PDE4A: variants seen among roughly 807,000 people sequenced by gnomAD.
The protein encoded by PDE4A is 3',5'-cyclic-AMP phosphodiesterase 4A.
PDE4A carries 21 observed loss-of-function variants against 73.9 expected under a neutral mutation model. The ratio of observed to expected loss-of-function variants is 0.28; its 90% confidence interval spans 0.20 to 0.41. The LOEUF is 0.41. Ranked by LOEUF, PDE4A falls within the 10% of genes least tolerant of loss-of-function variation. The pLI is 1.00. For missense variants in PDE4A, 958 were observed against 1,211.4 expected (o/e 0.79, Z 3.10); for synonymous variants, 463 against 505.4 (o/e 0.92, Z 1.13).
At chr19:10,465,666 ATAGTTTG>A (rs142097079) in intron 14 of PDE4A, among the ~76,000 whole-genome samples, 7,836 of 140,374 alleles carry the variant, frequency 0.056, 282 homozygotes, top group Non-Finnish European at 0.079. Context: ...CTTCATAGCA[ATAGTTTG>A]TGGCTTTAGC....
intron 1 of PDE4A, among the ~76,000 whole-genome samples, chr19:10,437,145 T>C (rs2042875914): frequency 6.6e-6 from 1 of 152,158 alleles, no homozygotes; most frequent in African/African-American, 2.4e-5. Flanking sequence ...TTTTGTTTGT[T>C]TGTTTTTTGA....
chr19:10,450,980 C>G, intron 6 of PDE4A, 39 bp downstream of exon 6: 647 of 1,087,142 alleles, frequency 6.0e-4, no homozygotes, highest in Non-Finnish European at 8.0e-4. Flanking sequence ...GCGGGGCAGG[C>G]GGGGGCGGGG....
In PDE4A at chr19:10,458,176, G is replaced by T; in HGVS notation, c.1101+74G>T. 1.4e-6 allele frequency: 2 copies of T among 1,433,640 alleles called. No individual in the cohort carries two copies. The highest frequency in any genetic ancestry group is 1.9e-6 in the Non-Finnish European group (2 of 1,029,476). The allele number at this position is 1,433,640 out of a possible 1,614,324, so 88.8% of individuals were successfully genotyped here. On this transcript the variant is annotated intron_variant, in intron 8 of 14. Transcript: ENST00000380702. This position sits in a 1 kb window ranked among gnomAD's most constrained non-coding sequence, Gnocchi z 4.6. ...GACCCTGAGAAGGACTGGGCATTGG[G>T]TTATGTCTTAGGCCAGGTTTCCCAG... is the stretch of plus-strand genomic sequence containing the variant.
intron 7 of PDE4A, among the ~76,000 whole-genome samples, chr19:10,456,525 C>CAA (rs1170935035): frequency 6.9e-6 from 1 of 145,006 alleles, no homozygotes; most frequent in Non-Finnish European, 1.5e-5. Flanking sequence ...GACTCCATCT[C>CAA]AAAAAAAAAA....
At chr19:10,423,162 T>TC in intron 1 of PDE4A, 1 of 913,896 alleles carries the variant, frequency 1.1e-6, no homozygotes. Context: ...TTTCTCTTTT[T>TC]TTTTTTTTTT....
At chr19:10,434,352 ATGCCACCAT>A in intron 1 of PDE4A, among the ~76,000 whole-genome samples, 1 of 150,852 alleles carries the variant, frequency 6.6e-6, no homozygotes, top group Admixed American at 6.6e-5. Flanking sequence ...TTACAGGTGT[ATGCCACCAT>A]AGCCCAGCTA....
intron 1 of PDE4A, among the ~76,000 whole-genome samples, chr19:10,426,384 C>T (rs2042718546): frequency 6.6e-6 from 1 of 152,004 alleles, no homozygotes; most frequent in Admixed American, 6.6e-5. Context: ...AATTCGTAAA[C>T]TTTCTTAAAA....
rs1365517311 is a variant in PDE4A at position 10,467,533 on chromosome 19, C to T, written c.2573C>T (p.Ala858Val). 1.9e-6 allele frequency: 3 copies of T among 1,612,362 alleles called. No individual in the cohort carries two copies. Among genetic ancestry groups the T allele is most frequent in the South Asian group, 1.1e-5 (1 of 91,044 alleles). Residue 858 changes from alanine (A) to valine (V), a missense_variant, in exon 15 of 15, where the codon GCT becomes GTT. By Grantham distance (64) the Ala-to-Val change is moderately conservative. Around this residue, in one of 3 missense-constraint regions of PDE4A, gnomAD observed 243 missense variants for 245.9 expected, o/e 0.99. Coordinates refer to ENST00000380702, the MANE Select transcript of PDE4A (RefSeq NM_001111307.2). ...AQREHQAAKRACSACAGTFGE... is the reference protein window; with the variant it reads ...AQREHQAAKRVCSACAGTFGE... ...CGAGAGCACCAGGCTGCCAAGAGGG[C>T]TTGCAGTGCCTGCGCAGGGACATTT...
intron 1 of PDE4A, among the ~76,000 whole-genome samples, chr19:10,443,017 A>C (rs2042959066): frequency 6.6e-6 from 1 of 151,994 alleles, no homozygotes; most frequent in Non-Finnish European, 1.5e-5. Flanking sequence ...TATTACTACA[A>C]AAAATTCAAA....
At chr19:10,429,327 A>G (rs1239189151) in intron 1 of PDE4A, among the ~76,000 whole-genome samples, 1 of 151,808 alleles carries the variant, frequency 6.6e-6, no homozygotes, top group Non-Finnish European at 1.5e-5. Context: ...AAGAAAAGAA[A>G]ATAGAGATTC....
chr19:10,461,638 C>G lies in PDE4A; in HGVS notation c.1578C>G (p.Ser526Arg), dbSNP rs1457000307. 3 of 1,566,718 alleles carry G rather than the reference C, an allele frequency of 1.9e-6. No homozygotes were observed. Among genetic ancestry groups the G allele is most frequent in the Admixed American group, 1.7e-5 (1 of 58,256 alleles). ...ACTGCGACATCTTCCAGAACCTCAG[C>G]AAGCGCCAGCGGCAGAGCCTACGCA... ...EDNCDIFQNL[S>R]KRQRQSLRKM... Residue 526 changes from serine (S) to arginine (R), a missense_variant, in exon 12 of 15, where the codon AGC (serine) becomes AGG (arginine). Ser to Arg is a moderately radical substitution (Grantham distance 110). Around this residue, in one of 3 missense-constraint regions of PDE4A, gnomAD observed 570 missense variants for 827.7 expected, o/e 0.69. Coordinates refer to ENST00000380702, the MANE Select transcript of PDE4A (RefSeq NM_001111307.2).
At chr19:10,421,483 C>T (rs2042650858) in intron 1 of PDE4A, among the ~76,000 whole-genome samples, 1 of 152,136 alleles carries the variant, frequency 6.6e-6, no homozygotes. Context: ...TCTTGGAGCA[C>T]TCCATAAGGG....
intron 1 of PDE4A, among the ~76,000 whole-genome samples, chr19:10,425,984 CAAAAAAAA>C (rs1168197109): frequency 6.8e-4 from 33 of 48,392 alleles, no homozygotes; most frequent in Admixed American, 1.9e-3. Flanking sequence ...GAGACCCTGT[CAAAAAAAA>C]AAAAAAAAAA....
At chr19:10,438,322 G>A (rs1468479124) in intron 1 of PDE4A, among the ~76,000 whole-genome samples, 3 of 151,680 alleles carry the variant, frequency 2.0e-5, no homozygotes, top group African/African-American at 7.3e-5. Flanking sequence ...CATGTTGGCC[G>A]GGATGGTCTC....
intron 1 of PDE4A, among the ~76,000 whole-genome samples, chr19:10,441,160 C>T (rs1468306321): frequency 6.6e-6 from 1 of 152,102 alleles, no homozygotes; most frequent in Admixed American, 6.6e-5. Flanking sequence ...CTTAGCCTCC[C>T]AGTAGCTGGG....
At chr19:10,457,736 T>C (rs931493855) in intron 7 of PDE4A, 143 bp from the exon 8 acceptor site, 28 of 1,439,206 alleles carry the variant, frequency 1.9e-5, no homozygotes, top group Non-Finnish European at 2.5e-5. Context: ...TTCCTGACTC[T>C]GAGTAGCCAG....
chr19:10,464,473 G>A (rs576988892), intron 14 of PDE4A: 41 of 454,960 alleles, frequency 9.0e-5, no homozygotes, highest in African/African-American at 6.6e-4. Flanking sequence ...GTAGCATGCA[G>A]TGGTGTGATC....
chr19:10,418,811 T>G, upstream of PDE4A: 1 of 985,200 alleles, frequency 1.0e-6, no homozygotes, highest in Non-Finnish European at 1.2e-6. Context: ...CCGCCAAGAA[T>G]TTGGCCCAGC....
intron 10 of PDE4A, among the ~76,000 whole-genome samples, 185 bp downstream of exon 10, chr19:10,459,944 G>A (rs372886138): frequency 1.3e-5 from 2 of 151,814 alleles, no homozygotes; most frequent in East Asian, 1.9e-4. Context: ...GCAGTGGCAC[G>A]ATCTCAGCTC....
Sources: allele counts gnomAD v4.1 joint callset (sites outside exome capture counted in the v4.1 genomes callset), GRCh38; gene constraint gnomAD v4.1.1; regional missense constraint gnomAD v4.1.1; non-coding constraint Gnocchi (gnomAD v3.1); transcripts MANE v1.5; gene names NCBI Gene and HGNC (gene_info 2026-07-23, HGNC 2026-07-21).